Variants in SPATA33 observed in about 807,000 individuals in gnomAD.
The protein encoded by SPATA33 is spermatogenesis associated 33, also known as spermatogenesis-associated protein 33.
In SPATA33, 10 loss-of-function variants were observed where a neutral mutation model predicts 8.9. That is an observed-to-expected ratio of 1.12 (90% CI 0.69 to 1.90). The LOEUF is 1.90. SPATA33 is among the 40% of genes most tolerant of loss of function. SPATA33 has a pLI of 0.00. For missense variants in SPATA33, 241 were observed against 178.3 expected (o/e 1.35, Z -2.00); for synonymous variants, 96 against 72.8 (o/e 1.32, Z -1.63).
At chr16:89,663,146 GAA>G (rs1376888966) in intron 2 of SPATA33, among the ~76,000 whole-genome samples, 2 of 151,490 alleles carry the variant, frequency 1.3e-5, no homozygotes, top group African/African-American at 4.9e-5. Flanking sequence ...TTTTGAAAAA[GAA>G]GAGAAATGGA....
intron 2 of SPATA33, among the ~76,000 whole-genome samples, chr16:89,663,163 T>A (rs563939002): frequency 3.2e-4 from 48 of 151,922 alleles, no homozygotes; most frequent in Non-Finnish European, 5.6e-4. Flanking sequence ...AATGGAACAC[T>A]TCTATTGGCT....
chr16:89,663,765 C>T (rs1461830940), intron 2 of SPATA33, among the ~76,000 whole-genome samples: 1 of 152,070 alleles, frequency 6.6e-6, no homozygotes, highest in African/African-American at 2.4e-5. Context: ...GCTGTACATA[C>T]ACTCATAGTA....
intron 2 of SPATA33, among the ~76,000 whole-genome samples, chr16:89,664,310 C>T (rs958284050): frequency 6.6e-6 from 1 of 151,888 alleles, no homozygotes; most frequent in South Asian, 2.1e-4. Flanking sequence ...TGTGGAGGCA[C>T]ACATCTTCCT....
chr16:89,669,341 C>A lies in SPATA33; in HGVS notation c.267C>A (p.Ile89=). The part of the protein sequence containing the change: ...SSRKKVVVPQ[I]IITRASNETL... ...GGAAGAAAGTGGTCGTTCCACAGATCATCATCACGCGAGCGTCGAATGAGA... is the reference window on the plus strand; with the variant it reads ...GGAAGAAAGTGGTCGTTCCACAGATAATCATCACGCGAGCGTCGAATGAGA... The change falls in exon 3 of 3, where the codon ATC becomes ATA. Residue 89 remains isoleucine (I), a synonymous_variant. Transcript: ENST00000579310. 2 of 1,614,204 alleles carry A rather than the reference C, an allele frequency of 1.2e-6. No homozygotes were observed. Among genetic ancestry groups the A allele is most frequent in the Non-Finnish European group, 1.7e-6 (2 of 1,180,038 alleles).
At chr16:89,661,582 C>G (rs1406983973) in intron 2 of SPATA33, 1 of 152,178 alleles carries the variant, frequency 6.6e-6, no homozygotes, top group Non-Finnish European at 1.5e-5. Flanking sequence ...ACTGTTACCC[C>G]TACTACTTCT....
At chr16:89,657,814 G>C, upstream of SPATA33, 1 of 1,494,254 alleles carries the variant, frequency 6.7e-7, no homozygotes, top group Non-Finnish European at 8.9e-7. Context: ...GGTGACGCAC[G>C]CCGCTGGCGC....
intron 2 of SPATA33, among the ~76,000 whole-genome samples, chr16:89,662,399 T>C (rs1047477433): frequency 3.3e-5 from 5 of 152,022 alleles, no homozygotes; most frequent in Non-Finnish European, 7.4e-5. Context: ...CACTATTCTA[T>C]TTTCTTGTGT....
chr16:89,665,517 T>A (rs1169581259), intron 2 of SPATA33, among the ~76,000 whole-genome samples: 1 of 150,762 alleles, frequency 6.6e-6, no homozygotes, highest in Non-Finnish European at 1.5e-5. Flanking sequence ...GGTTTCACTA[T>A]GTTAACCAGA....
At chr16:89,663,655 G>C (rs1317455751) in intron 2 of SPATA33, among the ~76,000 whole-genome samples, 1 of 152,100 alleles carries the variant, frequency 6.6e-6, no homozygotes, top group Non-Finnish European at 1.5e-5. Context: ...GGTCTGTGAA[G>C]GGCAGGGCTT....
rs189878232 is a variant in SPATA33 at position 89,662,359 on chromosome 16, C to T, written c.211+3938C>T. ...CAAGATAACAAAATACTGATTGAAG[C>T]TGAGTGCTCTATAGGTGCAGGTGCT... On this transcript the variant is annotated intron_variant, in intron 2 of 2. Coordinates refer to ENST00000579310, the MANE Select transcript of SPATA33 (RefSeq NM_001271907.2). Among the ~76,000 whole-genome samples, 236 of 150,910 alleles carry T rather than the reference C, an allele frequency of 1.6e-3. 1 individual carries two copies. Among genetic ancestry groups the T allele is most frequent in the East Asian group, 1.4e-3 (7 of 5,182 alleles).
chr16:89,658,831 G>A, intron 2 of SPATA33: 1 of 200,380 alleles, frequency 5.0e-6, no homozygotes, highest in Non-Finnish European at 1.1e-5. Flanking sequence ...AGTACATTGC[G>A]GAGGGTGACC....
Position 89,669,175 on chromosome 16 carries a change from C to T in SPATA33, c.212-111C>T. The stretch of plus-strand genomic sequence containing the variant: ...TCACTTTTGGACTCACCCATTTTTT[C>T]TGCTAACCATACATCTTAATTCCTT... On this transcript the variant is annotated intron_variant, in intron 2 of 2. Coordinates refer to ENST00000579310, the MANE Select transcript of SPATA33 (RefSeq NM_001271907.2). 5.0e-6 allele frequency: 5 copies of T among 993,700 alleles called. No individual in the cohort carries two copies. The Admixed American group carries it at 6.4e-5, about 13-fold the overall frequency. 61.6% of individuals were successfully genotyped at this position (993,700 alleles called of 1,614,324 possible).
chr16:89,665,514 C>G (rs2060015183), intron 2 of SPATA33, among the ~76,000 whole-genome samples: 1 of 146,540 alleles, frequency 6.8e-6, no homozygotes, highest in South Asian at 2.2e-4. Flanking sequence ...TGGGGTTTCA[C>G]TATGTTAACC....
chr16:89,667,166 C>T (rs565198908), intron 2 of SPATA33, among the ~76,000 whole-genome samples: 3 of 152,214 alleles, frequency 2.0e-5, no homozygotes, highest in Non-Finnish European at 4.4e-5. Flanking sequence ...AGACCATGGT[C>T]TGCTTGGCAA....
chr16:89,658,672 G>A, intron 2 of SPATA33: 2 of 541,780 alleles, frequency 3.7e-6, no homozygotes, highest in South Asian at 4.3e-5. Context: ...TCGAGGGGCT[G>A]GGGCAGTGTG....
At chr16:89,665,478 G>T (rs1215696591) in intron 2 of SPATA33, among the ~76,000 whole-genome samples, 1 of 129,220 alleles carries the variant, frequency 7.7e-6, no homozygotes, top group Non-Finnish European at 1.8e-5. Context: ...CTAATTTTTT[G>T]TATTTTTTTT....
At chr16:89,661,683 C>T (rs943497056) in intron 2 of SPATA33, among the ~76,000 whole-genome samples, 2 of 152,050 alleles carry the variant, frequency 1.3e-5, no homozygotes, top group African/African-American at 2.4e-5. Context: ...CCTTATTCCA[C>T]AATGTTGGAA....
Position 89,662,885 on chromosome 16 carries a change from C to T in SPATA33, c.211+4464C>T, listed in dbSNP as rs533781269. Among the ~76,000 whole-genome samples, 5 of 152,300 alleles carry T rather than the reference C, an allele frequency of 3.3e-5. No individual in the cohort carries two copies. In the East Asian group the frequency reaches 9.6e-4, roughly 29 times the overall value. On this transcript the variant is annotated intron_variant, in intron 2 of 2. Transcript: ENST00000579310. Reference sequence around the variant, plus strand: ...CTTGGCTCATTGTGACTTCCGCCTCCCGGGTTCAAGCAATTCTTCTGCCTC... The same window carrying T: ...CTTGGCTCATTGTGACTTCCGCCTCTCGGGTTCAAGCAATTCTTCTGCCTC...
At chr16:89,667,477 C>G (rs927378913) in intron 2 of SPATA33, among the ~76,000 whole-genome samples, 1 of 152,144 alleles carries the variant, frequency 6.6e-6, no homozygotes, top group African/African-American at 2.4e-5. Flanking sequence ...ACTGGAACAG[C>G]TCGTGCCCTC....
Sources: gnomAD v4.1 joint callset for allele counts (sites outside exome capture counted in the v4.1 genomes callset) on GRCh38, gnomAD v4.1.1 for gene constraint, MANE v1.5 for transcripts, NCBI Gene and HGNC (gene_info 2026-07-23, HGNC 2026-07-21) for gene names.